REL: variants seen among roughly 807,000 people sequenced by gnomAD.
REL encodes the protein proto-oncogene c-Rel.
A neutral mutation model predicts 45.9 loss-of-function variants in REL; 15 were observed. That is an observed-to-expected ratio of 0.33 (90% CI 0.22 to 0.50). The LOEUF (loss-of-function observed/expected upper bound fraction) is 0.50, where lower values mean the gene tolerates loss of function less well. Among genes scored for constraint, REL ranks in the 20% least tolerant of loss-of-function variants. REL has a pLI of 0.98. For synonymous variants in REL, 239 were observed against 242.1 expected (o/e 0.99, Z 0.12); for missense variants, 601 against 715.2 (o/e 0.84, Z 1.82).
rs35620572 is a variant in REL at position 60,917,148 on chromosome 2, T to G, written c.535+131T>G. 4.0e-6 allele frequency: 3 copies of G among 749,864 alleles called. No homozygotes were observed. The African/African-American group carries it at 5.3e-5, about 13-fold the overall frequency. 46.5% of individuals were successfully genotyped at this position (749,864 alleles called of 1,614,324 possible). On this transcript the variant is annotated intron_variant, in intron 5 of 9. Transcript: ENST00000394479. ...AAAACTTCCAGACATTAGAGAAATA[T>G]ATAACAGAAAGGAAATCTTCTCTAA...
intron 1 of REL, among the ~76,000 whole-genome samples, chr2:60,884,397 GATTA>G (rs1180769876): frequency 6.6e-6 from 1 of 152,012 alleles, no homozygotes; most frequent in Non-Finnish European, 1.5e-5. Context: ...TAAGTTAGCA[GATTA>G]ATTAGGATTT....
intron 4 of REL, among the ~76,000 whole-genome samples, chr2:60,904,486 G>A (rs1024614587): frequency 5.9e-5 from 9 of 151,698 alleles, no homozygotes; most frequent in African/African-American, 2.2e-4. Context: ...CAGGAGAATC[G>A]CTTGAACCCA....
chr2:60,895,111 G>A (rs1298822787), intron 3 of REL, among the ~76,000 whole-genome samples: 2 of 151,704 alleles, frequency 1.3e-5, no homozygotes, highest in African/African-American at 2.4e-5. Context: ...TGCCTGCCTC[G>A]GCCTCCCAAA....
chr2:60,908,234 C>G (rs1178522365), intron 4 of REL, among the ~76,000 whole-genome samples: 1 of 152,162 alleles, frequency 6.6e-6, no homozygotes. Flanking sequence ...TTCCATTTCA[C>G]TTTGGCACCT....
Position 60,918,237 on chromosome 2 carries a change from T to C in REL, c.582T>C (p.Asn194=). The change falls in exon 6 of 10, where the codon AAT becomes AAC. Residue 194 remains asparagine, a synonymous_variant. Transcript: ENST00000394479. ...AELRICRVNK[N]CGSVRGGDEI... ...TAAGGATTTGTCGTGTAAACAAGAA[T>C]TGTGGAAGTGTCAGAGGAGGAGATG... is the stretch of plus-strand genomic sequence containing the variant. The C allele has an allele frequency of 6.2e-7, 1 of 1,610,852 alleles. No homozygotes were observed. The highest frequency in any genetic ancestry group is 2.2e-5 in the East Asian group (1 of 44,792).
chr2:60,901,618 AGT>A (rs1198810438), intron 4 of REL, among the ~76,000 whole-genome samples: 1 of 152,126 alleles, frequency 6.6e-6, no homozygotes, highest in African/African-American at 2.4e-5. Context: ...ATTGTTGGAG[AGT>A]GTCACTGTTT....
intron 4 of REL, among the ~76,000 whole-genome samples, chr2:60,915,123 G>A (rs773025216): frequency 1.3e-5 from 2 of 152,086 alleles, no homozygotes; most frequent in African/African-American, 4.8e-5. Flanking sequence ...GAGCCACCAC[G>A]CCTGGCCAGT....
At chr2:60,906,596 T>C (rs1673657280) in intron 4 of REL, among the ~76,000 whole-genome samples, 1 of 152,170 alleles carries the variant, frequency 6.6e-6, no homozygotes, top group African/African-American at 2.4e-5. Context: ...CCCTCCTTCC[T>C]CTACCACTGA....
chr2:60,886,137 T>C (rs1285312461), intron 1 of REL, among the ~76,000 whole-genome samples: 2 of 152,082 alleles, frequency 1.3e-5, no homozygotes, highest in African/African-American at 4.8e-5. Flanking sequence ...TAATCAGGAG[T>C]GTGTTAGAAT....
chr2:60,924,693 T>C lies in REL; in HGVS notation c.*2158T>C, dbSNP rs921982898. On this transcript the variant is annotated 3_prime_UTR_variant, in exon 10 of 10. Coordinates refer to ENST00000394479, the MANE Select transcript of REL (RefSeq NM_001291746.2). ...CCATGTTTTGACATTGTCAAGCTCA[T>C]TGCAACTTCCAGATTGAGTAACACT... 6 of 212,272 alleles carry C rather than the reference T, an allele frequency of 2.8e-5. No individual in the cohort carries two copies. The highest frequency in any genetic ancestry group is 1.9e-4 in the South Asian group (1 of 5,374). 13.1% of individuals were successfully genotyped at this position (212,272 alleles called of 1,614,324 possible).
chr2:60,906,893 G>GTATATATATA (rs1355849482), intron 4 of REL, among the ~76,000 whole-genome samples: 14 of 121,388 alleles, frequency 1.2e-4, no homozygotes, highest in East Asian at 1.1e-3. Flanking sequence ...GTGTGTGTGT[G>GTATATATATA]TATATATATA....
At chr2:60,899,966 T>C (rs1393381263) in intron 3 of REL, 1 of 152,262 alleles carries the variant, frequency 6.6e-6, no homozygotes, top group Non-Finnish European at 1.5e-5. Flanking sequence ...ACAAAACATA[T>C]TCTACTGCTA....
intron 4 of REL, among the ~76,000 whole-genome samples, chr2:60,905,071 A>C (rs1490523248): frequency 1.3e-5 from 2 of 151,902 alleles, no homozygotes; most frequent in Non-Finnish European, 2.9e-5. Flanking sequence ...CCCACTATTT[A>C]TGTTTCCTGT....
chr2:60,918,146 T>C (rs780303554), intron 5 of REL, 45 bp from the exon 6 acceptor site: 3 of 1,135,390 alleles, frequency 2.6e-6, no homozygotes, highest in Non-Finnish European at 3.9e-6. Context: ...AAATAAAATA[T>C]TACTAAGGTA....
intron 2 of REL, among the ~76,000 whole-genome samples, 157 bp from the exon 3 acceptor site, chr2:60,894,240 C>G (rs1198942360): frequency 6.6e-6 from 1 of 151,982 alleles, no homozygotes; most frequent in African/African-American, 2.4e-5. Context: ...CTGGTATTCT[C>G]TGGAAAGTTT....
chr2:60,891,479 A>G (rs558807590), intron 1 of REL, among the ~76,000 whole-genome samples: 2 of 152,238 alleles, frequency 1.3e-5, no homozygotes, highest in South Asian at 2.1e-4. Flanking sequence ...TTGTTTTGAC[A>G]CTACATAGGG....
chr2:60,927,998 G>C lies in REL; in HGVS notation c.*5463G>C. The C allele has an allele frequency of 4.8e-6, 1 of 209,666 alleles. No individual in the cohort carries two copies. Among genetic ancestry groups the C allele is most frequent in the East Asian group, 7.0e-5 (1 of 14,230 alleles). 13.0% of individuals were successfully genotyped at this position (209,666 alleles called of 1,614,324 possible). ...AACCTAATACTTCAGGAAAACTCAT[G>C]ATGGTTTCCATGTTAAGAGAGACAT... On this transcript the variant is annotated 3_prime_UTR_variant, in exon 10 of 10. Transcript: ENST00000394479.
Position 60,922,104 on chromosome 2 carries a change from A to C in REL, c.1333A>C (p.Met445Leu), listed in dbSNP as rs780016091. 1 of 1,614,192 alleles carries C rather than the reference A, an allele frequency of 6.2e-7. No homozygotes were observed. The highest frequency in any genetic ancestry group is 1.7e-5 in the Admixed American group (1 of 60,022). Residue 445 changes from methionine (M) to leucine (L), a missense_variant, in exon 10 of 10, where the codon ATG (methionine) becomes CTG (leucine). Around this residue, in one of 4 missense-constraint regions of REL, gnomAD observed 334 missense variants for 333.1 expected, o/e 1.00. Transcript: ENST00000394479. ...CATAGTCGGAATGGAAGCGTCATCC[A>C]TGCCATCAGCAGATTTATATGGTAT... ...DDIVGMEASSMPSADLYGISD... is the reference protein window; with the variant it reads ...DDIVGMEASSLPSADLYGISD...
chr2:60,898,575 G>C (rs1227942228), intron 3 of REL, among the ~76,000 whole-genome samples: 1 of 152,156 alleles, frequency 6.6e-6, no homozygotes, highest in Non-Finnish European at 1.5e-5. Context: ...GTGTATGTGT[G>C]ATTATTTAAT....
Sources: gnomAD v4.1 joint callset for allele counts (sites outside exome capture counted in the v4.1 genomes callset) on GRCh38, gnomAD v4.1.1 for gene constraint, gnomAD v4.1.1 regional missense constraint, MANE v1.5 for transcripts, NCBI Gene and HGNC (gene_info 2026-07-23, HGNC 2026-07-21) for gene names.